DHX30: variants seen among roughly 807,000 people sequenced by gnomAD.
DHX30 encodes ATP-dependent RNA helicase DHX30.
DHX30 carries 4 observed loss-of-function variants against 116.9 expected under a neutral mutation model. The observed-to-expected ratio is 0.03, with a 90% CI of 0.02 to 0.08. The LOEUF (loss-of-function observed/expected upper bound fraction) is 0.08. Among genes scored for constraint, DHX30 ranks in the 10% least tolerant of loss-of-function variants. The pLI is 1.00. For missense variants in DHX30, 871 were observed against 1,595.1 expected, an observed-to-expected ratio of 0.55 and a Z score of 7.73; for synonymous variants, 697 against 651.7, an observed-to-expected ratio of 1.07 and a Z score of -1.06.
intron 1 of DHX30, among the ~76,000 whole-genome samples, chr3:47,804,384 G>GT (rs2035428502): frequency 6.6e-6 from 1 of 152,096 alleles, no homozygotes; most frequent in South Asian, 2.1e-4. Context: ...GCTAGACCTC[G>GT]TTTCTACTAA....
chr3:47,825,837 C>G (rs891573976), intron 4 of DHX30: 1 of 152,244 alleles, frequency 6.6e-6, no homozygotes, highest in East Asian at 1.9e-4. Context: ...CCCTCTGTGA[C>G]GAAACCCCCC....
Position 47,829,314 on chromosome 3 carries a change from A to ATAT in DHX30, c.366+181_366+182insATT, listed in dbSNP as rs1177077114. On this transcript the variant is annotated intron_variant, in intron 6 of 21. Coordinates refer to ENST00000445061, the MANE Select transcript of DHX30 (RefSeq NM_138615.3). Reference sequence around the variant, plus strand: ...TATATATATATATATATATATATATATTTTTTTTTTTTTTTTCCTGTGTTT... The same window carrying ATAT: ...TATATATATATATATATATATATATATATTTTTTTTTTTTTTTTTCCTGTGTTT... Among the ~76,000 whole-genome samples the ATAT allele has an allele frequency of 6.3e-3, 214 of 34,176 alleles. 3 individuals are homozygous for ATAT. Among genetic ancestry groups the ATAT allele is most frequent in the African/African-American group, 0.013 (114 of 8,848 alleles). The allele number at this position is 34,176 out of a possible 152,430, so 22.4% of individuals were successfully genotyped here.
chr3:47,830,267 G>A (rs1161457263), intron 6 of DHX30, among the ~76,000 whole-genome samples: 1 of 151,196 alleles, frequency 6.6e-6, no homozygotes, highest in African/African-American at 2.4e-5. Flanking sequence ...GACCAACATG[G>A]TGAAACCTTG....
rs115839269 is a variant in DHX30, at chr3:47,829,872, C to T, written c.366+738C>T. ...TTAATTTTTGTTTGAGACGGAGTCT[C>T]GCTCTGTTGCCTGGGCTGGCGAGAT... is the stretch of plus-strand genomic sequence containing the variant. On this transcript the variant is annotated intron_variant, in intron 6 of 21. Coordinates refer to ENST00000445061, the MANE Select transcript of DHX30 (RefSeq NM_138615.3). 4.0e-3 allele frequency among the ~76,000 whole-genome samples: 612 copies of T among 151,862 alleles called. 5 individuals carry two copies. Among genetic ancestry groups the T allele is most frequent in the African/African-American group, 0.013 (548 of 41,484 alleles).
chr3:47,849,573 G>A lies in DHX30; in HGVS notation c.3191+19G>A, dbSNP rs1358823573. The A allele has an allele frequency of 6.2e-7, 1 of 1,613,762 alleles. No homozygotes were observed. The highest frequency in any genetic ancestry group is 1.7e-5 in the Admixed American group (1 of 60,012). On this transcript the variant is annotated intron_variant, in intron 20 of 21. Transcript: ENST00000445061. ...TTAACAGGTGAGGGCATGCAGGCCT[G>A]GATGGGGCAGCTGGGATGGTCCAAA...
In DHX30 at chr3:47,810,753, T is replaced by C. The variant is rs576508621; in HGVS notation, c.28+42T>C. ...GCTTGTGACCTCATGCCCTTCCTTA[T>C]TGGGATGGGCAGCTCTGAGGGCTGT... On this transcript the variant is annotated intron_variant, in intron 3 of 21. Coordinates refer to ENST00000445061, the MANE Select transcript of DHX30 (RefSeq NM_138615.3). The C allele has an allele frequency of 1.3e-5, 21 of 1,598,218 alleles. No individual in the cohort carries two copies. The East Asian group carries it at 2.9e-4, about 22-fold the overall frequency.
At position 47,838,500 on chromosome 3, in the gene DHX30, C is replaced by A. The variant is rs568739081; in HGVS notation, c.367-2377C>A. Among the ~76,000 whole-genome samples, 5 of 152,294 alleles carry A rather than the reference C, an allele frequency of 3.3e-5. No homozygotes were observed. In the South Asian group the frequency reaches 1.0e-3, roughly 32 times the overall value. Reference sequence around the variant, plus strand: ...CTTAGGTAGGTGATGGTTTTTGTTACTGTTGTGAATAGAATTTTTAAAATT... The same window carrying A: ...CTTAGGTAGGTGATGGTTTTTGTTAATGTTGTGAATAGAATTTTTAAAATT... On this transcript the variant is annotated intron_variant, in intron 6 of 21. Transcript: ENST00000445061.
At chr3:47,845,211 A>G (rs1052107746) in intron 9 of DHX30, among the ~76,000 whole-genome samples, 1 of 152,110 alleles carries the variant, frequency 6.6e-6, no homozygotes, top group Non-Finnish European at 1.5e-5. Context: ...TCTTTGAGAC[A>G]GAGTCTCGCT....
rs1276522104 is a variant in DHX30, at chr3:47,849,223, T to C, written c.2961T>C (p.Tyr987=). The part of the protein sequence containing the change: ...GLIKQFSENI[Y]EAFLVGKPSD... ...TCAAGCAGTTCTCAGAGAACATTTATGAGGCCTTCCTGGTGGGGAAGCCCT... is the reference window on the plus strand; with the variant it reads ...TCAAGCAGTTCTCAGAGAACATTTACGAGGCCTTCCTGGTGGGGAAGCCCT... Residue 987 remains tyrosine (Y), a synonymous_variant, in exon 19 of 22, where the codon TAT becomes TAC. Coordinates refer to ENST00000445061, the MANE Select transcript of DHX30 (RefSeq NM_138615.3). 23 of 1,614,108 alleles carry C rather than the reference T, an allele frequency of 1.4e-5. No individual in the cohort carries two copies. The highest frequency in any genetic ancestry group is 1.9e-5 in the Non-Finnish European group (22 of 1,179,994).
intron 6 of DHX30, among the ~76,000 whole-genome samples, chr3:47,834,996 A>G (rs1280538614): frequency 2.0e-5 from 3 of 151,280 alleles, no homozygotes; most frequent in Non-Finnish European, 2.9e-5. Context: ...GAACTTCTTT[A>G]TTTTTTATTT....
rs1304172683 is a variant in DHX30, at chr3:47,842,956, TATGCAGCAGCACCTCTAGC to T, written c.790-146_790-128del. Reference sequence around the variant, plus strand: ...CTGAGCCCATGGGCCTGCTCCTGGCTATGCAGCAGCACCTCTAGCATGGCTCACGCCTGGCACCTGCTGA... The same window carrying T: ...CTGAGCCCATGGGCCTGCTCCTGGCTATGGCTCACGCCTGGCACCTGCTGA... On this transcript the variant is annotated intron_variant, in intron 8 of 21. Transcript: ENST00000445061. 2.2e-5 allele frequency: 22 copies of T among 978,076 alleles called. No homozygotes were observed. The East Asian group carries it at 5.3e-4, about 24-fold the overall frequency. The allele number at this position is 978,076 out of a possible 1,614,324, so 60.6% of individuals were successfully genotyped here.
rs749472638 is a variant in DHX30, at chr3:47,847,400, C to T, written c.2006-32C>T. On this transcript the variant is annotated intron_variant, in intron 12 of 21. Transcript: ENST00000445061. This position sits in a 1 kb window ranked among gnomAD's most constrained non-coding sequence, Gnocchi z 5.5. ...CTAGCCCTGGCCACGTTTGCAGCAA[C>T]AGCTGGCTCATGCCCCAGGGCTCCT... 11 of 1,614,022 alleles carry T rather than the reference C, an allele frequency of 6.8e-6. No individual in the cohort carries two copies. The African/African-American group carries it at 1.1e-4, about 16-fold the overall frequency.
chr3:47,814,051 G>T (rs1290497725), intron 3 of DHX30, among the ~76,000 whole-genome samples: 3 of 151,566 alleles, frequency 2.0e-5, no homozygotes, highest in Non-Finnish European at 4.4e-5. Flanking sequence ...GTAAAAGGTC[G>T]ATGAAAGCAG....
rs536851282 is a variant in DHX30 at position 47,817,948 on chromosome 3, A to C, written c.29-74A>C. On this transcript the variant is annotated intron_variant, in intron 3 of 21. Coordinates refer to ENST00000445061, the MANE Select transcript of DHX30 (RefSeq NM_138615.3). ...CCCAGAGCTCCTCACGGATGCTCTG[A>C]GTGAGTCAGTTCAGGGGTCTGTGAC... 3.7e-5 allele frequency: 29 copies of C among 780,306 alleles called. No homozygotes were observed. The African/African-American group carries it at 4.7e-4, about 13-fold the overall frequency. 48.3% of individuals were successfully genotyped at this position (780,306 alleles called of 1,614,324 possible).
intron 3 of DHX30, among the ~76,000 whole-genome samples, chr3:47,815,800 G>A (rs2036028190): frequency 7.0e-6 from 1 of 143,596 alleles, no homozygotes; most frequent in Non-Finnish European, 1.5e-5. Flanking sequence ...AAAAACACTG[G>A]ATCAATAGCA....
chr3:47,807,808 C>CTGGTCT (rs1005174252), intron 2 of DHX30, among the ~76,000 whole-genome samples: 1 of 149,718 alleles, frequency 6.7e-6, no homozygotes, highest in African/African-American at 2.5e-5. Flanking sequence ...GTTGCCTAGG[C>CTGGTCT]TGGTCTTGAA....
At chr3:47,808,735 C>T (rs995772009) in intron 2 of DHX30, among the ~76,000 whole-genome samples, 2 of 151,378 alleles carry the variant, frequency 1.3e-5, no homozygotes, top group South Asian at 4.2e-4. Context: ...GCCACCACAG[C>T]TGGCTAATTT....
chr3:47,825,274 T>C (rs1276476249), intron 4 of DHX30: 11 of 563,092 alleles, frequency 2.0e-5, no homozygotes, highest in Non-Finnish European at 2.8e-5. Context: ...GGGCGGGCGG[T>C]CCGCAGCGCC....
At position 47,848,113 on chromosome 3, in the gene DHX30, T is replaced by TCCCC; in HGVS notation, c.2287-67_2287-66insCCCC. On this transcript the variant is annotated intron_variant, in intron 14 of 21. Transcript: ENST00000445061. This position sits in a 1 kb window ranked among gnomAD's most constrained non-coding sequence, Gnocchi z 9.4. ...CCTGATGTAGGGGGCTGGTGAGGGTTACTCAGGGAGTGGGGAAGCACTGAG... is the reference window on the plus strand; with the variant it reads ...CCTGATGTAGGGGGCTGGTGAGGGTTCCCCACTCAGGGAGTGGGGAAGCACTGAG... 6.2e-7 allele frequency: 1 copy of TCCCC among 1,600,230 alleles called. No homozygotes were observed. The highest frequency in any genetic ancestry group is 8.5e-7 in the Non-Finnish European group (1 of 1,169,774).
Sources: gnomAD v4.1 joint callset for allele counts (sites outside exome capture counted in the v4.1 genomes callset) on GRCh38, gnomAD v4.1.1 for gene constraint, Gnocchi (gnomAD v3.1) non-coding constraint, MANE v1.5 for transcripts, NCBI Gene and HGNC (gene_info 2026-07-23, HGNC 2026-07-21) for gene names.